The following CHSY1 variants were observed in gnomAD, a reference collection of about 807,000 sequenced individuals.
CHSY1 encodes chondroitin sulfate synthase 1.
In CHSY1, 13 loss-of-function variants were observed where a neutral mutation model predicts 59.8. The observed-to-expected ratio is 0.22, with a 90% CI of 0.14 to 0.35. CHSY1 has a LOEUF of 0.35. Ranked by LOEUF, CHSY1 falls within the 10% of genes least tolerant of loss-of-function variation. The pLI is 1.00. For synonymous variants in CHSY1, 459 were observed against 401.2 expected (o/e 1.14, Z -1.72); for missense variants, 947 against 1,030.6 (o/e 0.92, Z 1.11).
At position 101,178,020 on chromosome 15, in the gene CHSY1, T is replaced by C; in HGVS notation, c.1777A>G (p.Lys593Glu). The change falls in exon 3 of 3, where the codon AAG becomes GAG. Residue 593 changes from lysine to glutamate, a missense_variant. By Grantham distance (56) the Lys-to-Glu change is moderately conservative. Transcript: ENST00000254190. ...QVELMRDYRI[K>E]YPKADMQILP... ...ATCTGCATGTCGGCTTTAGGGTACT[T>C]AATGCGGTAATCTCTCATCAGTTCA... The C allele has an allele frequency of 6.2e-7, 1 of 1,614,188 alleles. No homozygotes were observed. The highest frequency in any genetic ancestry group is 8.5e-7 in the Non-Finnish European group (1 of 1,180,038).
In CHSY1 at chr15:101,178,840, C is replaced by T; in HGVS notation, c.957G>A (p.Met319Ile). Residue 319 changes from methionine (M) to isoleucine (I), a missense_variant, in exon 3 of 3, where the codon ATG becomes ATA. This residue lies in a region of CHSY1 where 602 missense variants were observed against 676.9 expected (regional missense o/e 0.89). Transcript: ENST00000254190. ...GGAGCTCGGATATCTTGCGGCTCAG[C>T]ATGTAGCTGTGGAGCCTGTACTGGT... ...PPYQYRLHSY[M>I]LSRKISELRH... 1 of 1,614,188 alleles carries T rather than the reference C, an allele frequency of 6.2e-7. No individual in the cohort carries two copies.
chr15:101,210,772 T>A (rs1270683879), intron 2 of CHSY1, among the ~76,000 whole-genome samples: 1 of 152,096 alleles, frequency 6.6e-6, no homozygotes, highest in African/African-American at 2.4e-5. Flanking sequence ...TCCAAAGACA[T>A]TCCAGTTTTT....
chr15:101,245,005 G>A (rs973075346), intron 1 of CHSY1, among the ~76,000 whole-genome samples: 4 of 152,120 alleles, frequency 2.6e-5, no homozygotes, highest in African/African-American at 7.2e-5. Flanking sequence ...TGCTACCCAA[G>A]CGTCCCTCAA....
intron 2 of CHSY1, among the ~76,000 whole-genome samples, chr15:101,185,979 G>A (rs1434985377): frequency 6.6e-6 from 1 of 151,650 alleles, no homozygotes; most frequent in African/African-American, 2.4e-5. Flanking sequence ...TAGGAAACAC[G>A]CAGGTAGCAT....
In CHSY1 at chr15:101,178,629, C is replaced by T. The variant is rs944258648; in HGVS notation, c.1168G>A (p.Gly390Ser). 15 of 1,614,078 alleles carry T rather than the reference C, an allele frequency of 9.3e-6. No homozygotes were observed. The highest frequency in any genetic ancestry group is 5.3e-5 in the African/African-American group (4 of 74,922). The change falls in exon 3 of 3, where the codon GGC becomes AGC. Residue 390 changes from glycine to serine, a missense_variant. Physicochemically the swap from Gly to Ser is moderately conservative, Grantham distance 56. Around this residue, in one of 4 missense-constraint regions of CHSY1, gnomAD observed 602 missense variants for 676.9 expected, o/e 0.89. Coordinates refer to ENST00000254190, the MANE Select transcript of CHSY1 (RefSeq NM_014918.5). ...TCCATTCCTCTTCGAGGGGGCTGGC[C>T]GTCAACTGCCGAATACAAGTATTTT... ...TGKYLYSAVD[G>S]QPPRRGMDSA...
intron 1 of CHSY1, among the ~76,000 whole-genome samples, chr15:101,244,073 G>A (rs1452641927): frequency 1.3e-5 from 2 of 152,178 alleles, no homozygotes; most frequent in African/African-American, 4.8e-5. Flanking sequence ...TTTGTCTACA[G>A]AAAAAATGCT....
At chr15:101,246,222 T>C (rs1276802829) in intron 1 of CHSY1, among the ~76,000 whole-genome samples, 1 of 152,100 alleles carries the variant, frequency 6.6e-6, no homozygotes, top group Non-Finnish European at 1.5e-5. Context: ...CTCTTTCTTC[T>C]GACAACATAA....
intron 2 of CHSY1, among the ~76,000 whole-genome samples, chr15:101,227,488 A>C (rs1402549864): frequency 6.6e-6 from 1 of 152,236 alleles, no homozygotes; most frequent in Non-Finnish European, 1.5e-5. Context: ...AAACAAACAA[A>C]AAAACAGGCT....
At position 101,189,557 on chromosome 15, in the gene CHSY1, T is replaced by C. The variant is rs2038417188; in HGVS notation, c.817-10577A>G. On this transcript the variant is annotated intron_variant, in intron 2 of 2. Coordinates refer to ENST00000254190, the MANE Select transcript of CHSY1 (RefSeq NM_014918.5). Reference sequence around the variant, plus strand: ...TGTTCTGTGTCAAGTCTAACTGAAGTGCTGGCAACCAGTTCAAGTGAGAGA... The same window carrying C: ...TGTTCTGTGTCAAGTCTAACTGAAGCGCTGGCAACCAGTTCAAGTGAGAGA... 9 of 734,762 alleles carry C rather than the reference T, an allele frequency of 1.2e-5. No homozygotes were observed. In the South Asian group the frequency reaches 5.6e-4, roughly 46 times the overall value. 45.5% of individuals were successfully genotyped at this position (734,762 alleles called of 1,614,324 possible).
chr15:101,229,547 G>A (rs1350049942), intron 2 of CHSY1, among the ~76,000 whole-genome samples: 2 of 152,074 alleles, frequency 1.3e-5, no homozygotes, highest in Non-Finnish European at 2.9e-5. Context: ...CCAAAACACA[G>A]CCCTGAAATA....
At chr15:101,211,210 G>A (rs886214005) in intron 2 of CHSY1, among the ~76,000 whole-genome samples, 2 of 152,182 alleles carry the variant, frequency 1.3e-5, no homozygotes, top group Admixed American at 1.3e-4. Flanking sequence ...TCTAATCCCA[G>A]CTACCTGGGA....
chr15:101,200,307 G>A (rs2038559717), intron 2 of CHSY1, among the ~76,000 whole-genome samples: 1 of 152,188 alleles, frequency 6.6e-6, no homozygotes, highest in Non-Finnish European at 1.5e-5. Flanking sequence ...AAATTATTCA[G>A]GTTTGCAGTC....
chr15:101,206,455 A>G (rs1371588563), intron 2 of CHSY1, among the ~76,000 whole-genome samples: 1 of 152,202 alleles, frequency 6.6e-6, no homozygotes, highest in African/African-American at 2.4e-5. Flanking sequence ...GGGGTTAGTC[A>G]TCAGCTGGGG....
At chr15:101,186,344 AAAT>A (rs2038364909) in intron 2 of CHSY1, among the ~76,000 whole-genome samples, 2 of 150,148 alleles carry the variant, frequency 1.3e-5, no homozygotes, top group Non-Finnish European at 3.0e-5. Context: ...ATAAATAAAT[AAAT>A]AAATAAAACG....
intron 2 of CHSY1, among the ~76,000 whole-genome samples, chr15:101,216,852 G>T (rs1392380416): frequency 6.6e-6 from 1 of 152,176 alleles, no homozygotes; most frequent in East Asian, 1.9e-4. Context: ...ACTTTACAAA[G>T]CACAAAGAGC....
At chr15:101,224,808 T>C (rs918409527) in intron 2 of CHSY1, among the ~76,000 whole-genome samples, 1 of 152,236 alleles carries the variant, frequency 6.6e-6, no homozygotes, top group Non-Finnish European at 1.5e-5. Flanking sequence ...CACCACCAGA[T>C]GCAGCTGCAC....
At chr15:101,220,142 C>T (rs1217469706) in intron 2 of CHSY1, among the ~76,000 whole-genome samples, 1 of 152,168 alleles carries the variant, frequency 6.6e-6, no homozygotes, top group Non-Finnish European at 1.5e-5. Flanking sequence ...GTAATAAGTA[C>T]CCAAACAGTG....
intron 1 of CHSY1, among the ~76,000 whole-genome samples, chr15:101,241,167 T>C (rs907030221): frequency 3.3e-5 from 5 of 152,218 alleles, no homozygotes; most frequent in African/African-American, 4.8e-5. Context: ...GTGATTTCAC[T>C]GCAACCTCCG....
At chr15:101,207,959 G>T (rs1292637549) in intron 2 of CHSY1, among the ~76,000 whole-genome samples, 1 of 152,242 alleles carries the variant, frequency 6.6e-6, no homozygotes, top group Non-Finnish European at 1.5e-5. Context: ...CAACCCTTGA[G>T]TTGAGTCACA....
Sources: allele counts gnomAD v4.1 joint callset (sites outside exome capture counted in the v4.1 genomes callset), GRCh38; gene constraint gnomAD v4.1.1; regional missense constraint gnomAD v4.1.1; transcripts MANE v1.5; gene names NCBI Gene and HGNC (gene_info 2026-07-23, HGNC 2026-07-21).